Variants in TRHDE observed in about 807,000 individuals in gnomAD.
TRHDE encodes thyrotropin-releasing hormone-degrading ectoenzyme.
A neutral mutation model predicts 125.7 loss-of-function variants in TRHDE; 72 were observed. The observed-to-expected ratio is 0.57, with a 90% CI of 0.47 to 0.70. The LOEUF (loss-of-function observed/expected upper bound fraction) is 0.70. TRHDE is among the 30% of genes least tolerant of loss of function. TRHDE has a pLI of 0.00. For missense variants in TRHDE, 1,110 were observed against 1,327.1 expected (o/e 0.84, Z 2.54); for synonymous variants, 509 against 509.1 (o/e 1.00, Z 0.00).
At chr12:72,258,098 T>A (rs536839718) in intron 2 of TRHDE, 1 of 152,042 alleles carries the variant, frequency 6.6e-6, no homozygotes, top group Non-Finnish European at 1.5e-5. Context: ...CTATTTGTCA[T>A]GGGGATAAGC....
chr12:72,439,927 C>T (rs1279210071), intron 3 of TRHDE, among the ~76,000 whole-genome samples: 1 of 151,796 alleles, frequency 6.6e-6, no homozygotes, highest in Non-Finnish European at 1.5e-5. Flanking sequence ...TGTTGAGTGA[C>T]ATTCCTTCTA....
intron 5 of TRHDE, 87 bp from the exon 6 acceptor site, chr12:72,499,411 T>G (rs1021485279): frequency 6.8e-7 from 1 of 1,479,402 alleles, no homozygotes; most frequent in African/African-American, 1.4e-5. Flanking sequence ...CATCAGCAAT[T>G]AAGTGACACA....
In TRHDE at chr12:72,618,899, AT is replaced by A; in HGVS notation, c.2333del (p.Leu778CysfsTer32). On this transcript the variant is annotated frameshift_variant, in exon 13 of 19. Coordinates refer to ENST00000261180, the MANE Select transcript of TRHDE (RefSeq NM_013381.3). LOFTEE classifies it high-confidence loss of function. ...DDAFSLARAG[Y>X]LPQNIPLEII... ...TTTTTTTTTAACTGTAGGGCTGGCTATTTGCCTCAGAATATTCCTCTGGAGA... is the reference window on the plus strand; with the variant it reads ...TTTTTTTTTAACTGTAGGGCTGGCTATTGCCTCAGAATATTCCTCTGGAGA... The A allele has an allele frequency of 6.6e-7, 1 of 1,513,526 alleles. No homozygotes were observed. Among genetic ancestry groups the A allele is most frequent in the South Asian group, 1.3e-5 (1 of 74,986 alleles). 93.8% of individuals were successfully genotyped at this position (1,513,526 alleles called of 1,614,324 possible). A position where few individuals can be genotyped will look rare whatever the true frequency, so the allele number is the denominator to read the frequency against.
At chr12:72,296,215 A>T (rs1167711279) in intron 2 of TRHDE, among the ~76,000 whole-genome samples, 16 of 152,256 alleles carry the variant, frequency 1.1e-4, no homozygotes, top group Admixed American at 1.0e-3. Context: ...AAGGGTTTTC[A>T]AAATCTTTTG....
intron 2 of TRHDE, among the ~76,000 whole-genome samples, chr12:72,217,154 G>C (rs2139365687): frequency 6.6e-6 from 1 of 152,224 alleles, no homozygotes; most frequent in African/African-American, 2.4e-5. Flanking sequence ...AAGAAGAGCA[G>C]AAATGAAGGT....
chr12:72,530,507 T>C (rs1438998254), intron 6 of TRHDE, among the ~76,000 whole-genome samples: 1 of 142,040 alleles, frequency 7.0e-6, no homozygotes, highest in African/African-American at 2.6e-5. Context: ...TTTCTCAACC[T>C]CTAAATACTG....
At chr12:72,102,278 G>A (rs1875086257) in intron 1 of TRHDE, among the ~76,000 whole-genome samples, 1 of 152,114 alleles carries the variant, frequency 6.6e-6, no homozygotes, top group Admixed American at 6.5e-5. Context: ...GGGTGACAGA[G>A]GGACATGCTT....
At chr12:72,355,973 A>G (rs1214325789) in intron 2 of TRHDE, among the ~76,000 whole-genome samples, 1 of 151,708 alleles carries the variant, frequency 6.6e-6, no homozygotes, top group South Asian at 2.1e-4. Context: ...TGTAGAAAGC[A>G]GTGTGGCAGT....
At chr12:72,442,976 A>G (rs560554975) in intron 3 of TRHDE, among the ~76,000 whole-genome samples, 1 of 151,978 alleles carries the variant, frequency 6.6e-6, no homozygotes, top group East Asian at 1.9e-4. Context: ...CAAACTTGAA[A>G]AAGGTAAATC....
At chr12:72,325,177 A>G (rs939158435) in intron 2 of TRHDE, among the ~76,000 whole-genome samples, 1 of 152,094 alleles carries the variant, frequency 6.6e-6, no homozygotes, top group African/African-American at 2.4e-5. Context: ...TAACTTGAAA[A>G]AACCCTTATT....
At chr12:72,092,765 A>T (rs1236825519) in intron 1 of TRHDE, among the ~76,000 whole-genome samples, 1 of 152,232 alleles carries the variant, frequency 6.6e-6, no homozygotes, top group Non-Finnish European at 1.5e-5. Flanking sequence ...AGAGGAGCTT[A>T]AGAGTCAAAA....
intron 2 of TRHDE, among the ~76,000 whole-genome samples, chr12:72,240,708 T>C (rs926041973): frequency 6.6e-6 from 1 of 151,984 alleles, no homozygotes; most frequent in Non-Finnish European, 1.5e-5. Flanking sequence ...TAGCTGGGAC[T>C]ACAGGCGCCC....
chr12:72,091,576 G>A (rs1009598724), intron 1 of TRHDE, among the ~76,000 whole-genome samples: 1 of 152,168 alleles, frequency 6.6e-6, no homozygotes. Flanking sequence ...CTTTTACAAG[G>A]GTGTGCACGT....
chr12:72,476,512 C>T lies in TRHDE; in HGVS notation c.1584+3332C>T, dbSNP rs1592473984. On this transcript the variant is annotated intron_variant, in intron 5 of 18. Coordinates refer to ENST00000261180, the MANE Select transcript of TRHDE (RefSeq NM_013381.3). ...AGTAATGGCTGTGTCAGCAGTAACT[C>T]ATACTATTGTGATATGCGTAAAAGC... 2.6e-5 allele frequency among the ~76,000 whole-genome samples: 4 copies of T among 152,146 alleles called. No individual in the cohort carries two copies. In the East Asian group the frequency reaches 7.7e-4, roughly 29 times the overall value.
At chr12:72,612,232 T>C (rs1045217679) in intron 12 of TRHDE, among the ~76,000 whole-genome samples, 1 of 152,188 alleles carries the variant, frequency 6.6e-6, no homozygotes, top group Admixed American at 6.5e-5. Flanking sequence ...CCTGTTCTCT[T>C]ACTTCATGCA....
chr12:72,387,185 T>G (rs980298726), intron 3 of TRHDE, among the ~76,000 whole-genome samples: 1 of 152,186 alleles, frequency 6.6e-6, no homozygotes, highest in African/African-American at 2.4e-5. Context: ...ATTGGCATGT[T>G]TAAATTTGAG....
intron 1 of TRHDE, among the ~76,000 whole-genome samples, chr12:72,285,522 C>CTTTTTTTTT (rs370394091): frequency 7.6e-6 from 1 of 131,440 alleles, no homozygotes. Context: ...TTTTTTTCTT[C>CTTTTTTTTT]TTTTTTTTTT....
At chr12:72,552,500 G>A (rs1869725104) in intron 7 of TRHDE, among the ~76,000 whole-genome samples, 1 of 152,156 alleles carries the variant, frequency 6.6e-6, no homozygotes, top group East Asian at 1.9e-4. Context: ...GAGAAAAGGA[G>A]GAGCCCATGG....
intron 3 of TRHDE, among the ~76,000 whole-genome samples, chr12:72,381,402 T>G (rs1230381063): frequency 2.0e-5 from 3 of 151,496 alleles, no homozygotes; most frequent in Admixed American, 2.0e-4. Context: ...AAAGTTTTTT[T>G]TTTTTTTTTT....
Sources: gnomAD v4.1 joint callset for allele counts (sites outside exome capture counted in the v4.1 genomes callset) on GRCh38, gnomAD v4.1.1 for gene constraint, MANE v1.5 for transcripts, NCBI Gene and HGNC (gene_info 2026-07-23, HGNC 2026-07-21) for gene names.